ERG: variants seen among roughly 807,000 people sequenced by gnomAD.
ERG encodes ETS transcription factor ERG.
Under a neutral mutation model 55.3 loss-of-function variants are expected in ERG, and 9 were observed. The ratio of observed to expected loss-of-function variants is 0.16; its 90% CI spans 0.10 to 0.28. The LOEUF is 0.28. Ranked by LOEUF, ERG falls within the 10% of genes least tolerant of loss-of-function variation. The pLI is 1.00. For missense variants in ERG, 434 were observed against 631.6 expected, an observed-to-expected ratio of 0.69 and a Z score of 3.35; for synonymous variants, 223 against 237.3, an observed-to-expected ratio of 0.94 and a Z score of 0.55.
At chr21:38,539,894 T>A (rs1735187982) in intron 2 of ERG, among the ~76,000 whole-genome samples, 1 of 38,724 alleles carries the variant, frequency 2.6e-5, no homozygotes, top group African/African-American at 9.6e-5. Flanking sequence ...CAACACGTGA[T>A]TTTTTTTTTT....
intron 6 of ERG, chr21:38,400,206 C>T (rs572338490): frequency 1.2e-5 from 5 of 433,908 alleles, no homozygotes; most frequent in South Asian, 6.4e-5. Flanking sequence ...TACTGATAAT[C>T]GGTCACTGTG....
chr21:38,423,282 A>C, intron 3 of ERG, 128 bp downstream of exon 3: 1 of 979,374 alleles, frequency 1.0e-6, no homozygotes, highest in Non-Finnish European at 1.5e-6. Context: ...GCTCCCATTT[A>C]CAAGCCCTGC....
chr21:38,660,995 G>A (rs1304136366), intron 1 of ERG, among the ~76,000 whole-genome samples: 2 of 151,968 alleles, frequency 1.3e-5, no homozygotes, highest in Non-Finnish European at 2.9e-5. Flanking sequence ...GCTCCGGGAG[G>A]AAGAGGAGGA....
chr21:38,476,551 G>A (rs1442755159), intron 1 of ERG, among the ~76,000 whole-genome samples: 4 of 152,130 alleles, frequency 2.6e-5, no homozygotes, highest in Admixed American at 2.6e-4. Context: ...TTGAAGGAAA[G>A]GGAAGTCTTG....
chr21:38,468,199 C>T (rs1255610744), intron 1 of ERG, among the ~76,000 whole-genome samples: 1 of 152,182 alleles, frequency 6.6e-6, no homozygotes, highest in Non-Finnish European at 1.5e-5. Flanking sequence ...CCTCCCCACC[C>T]GGCAGGTCAG....
At chr21:38,637,220 C>A (rs1027883734) in intron 1 of ERG, among the ~76,000 whole-genome samples, 2 of 151,914 alleles carry the variant, frequency 1.3e-5, no homozygotes, top group African/African-American at 4.8e-5. Context: ...GTGTGCATCC[C>A]ATATGTGTGT....
intron 1 of ERG, among the ~76,000 whole-genome samples, chr21:38,634,759 T>G (rs2060378132): frequency 6.6e-6 from 1 of 152,256 alleles, no homozygotes; most frequent in African/African-American, 2.4e-5. Flanking sequence ...TGCAGATTGA[T>G]GATCCATTTT....
chr21:38,494,789 A>C (rs1324603212), intron 1 of ERG, among the ~76,000 whole-genome samples: 4 of 152,228 alleles, frequency 2.6e-5, no homozygotes, highest in Non-Finnish European at 5.9e-5. Flanking sequence ...TTCCAGGGTC[A>C]CTGAGTCAGG....
chr21:38,548,069 C>T (rs569568390), intron 2 of ERG, among the ~76,000 whole-genome samples: 21 of 151,976 alleles, frequency 1.4e-4, no homozygotes, highest in African/African-American at 4.8e-4. Context: ...AATTCTCTAC[C>T]ATTTCATTCT....
chr21:38,582,282 T>TGAAGTGAGGCATC (rs2060034948), intron 1 of ERG, among the ~76,000 whole-genome samples: 2 of 152,154 alleles, frequency 1.3e-5, no homozygotes, highest in Admixed American at 6.5e-5. Flanking sequence ...GACCCAATAC[T>TGAAGTGAGGCATC]TGTAACTGGC....
At chr21:38,490,964 AT>A (rs1175290710) in intron 1 of ERG, among the ~76,000 whole-genome samples, 1 of 152,190 alleles carries the variant, frequency 6.6e-6, no homozygotes, top group East Asian at 1.9e-4. Context: ...TGCTCTCTGG[AT>A]TCAACCTTCA....
intron 1 of ERG, among the ~76,000 whole-genome samples, chr21:38,598,103 T>C (rs1568940090): frequency 6.6e-6 from 1 of 152,130 alleles, no homozygotes; most frequent in Non-Finnish European, 1.5e-5. Context: ...CCTTTACACA[T>C]AGCAAGGACT....
At chr21:38,441,870 T>C (rs1190722793) in intron 2 of ERG, among the ~76,000 whole-genome samples, 1 of 152,140 alleles carries the variant, frequency 6.6e-6, no homozygotes. Context: ...GCAGATGAGG[T>C]CCACCTTGTT....
At chr21:38,401,452 T>A (rs746921579) in intron 5 of ERG, among the ~76,000 whole-genome samples, 3 of 152,332 alleles carry the variant, frequency 2.0e-5, no homozygotes, top group Non-Finnish European at 4.4e-5. Flanking sequence ...TACTACCAAC[T>A]CGAAGCAGGT....
At chr21:38,608,601 C>T (rs995623221) in intron 1 of ERG, among the ~76,000 whole-genome samples, 1 of 152,226 alleles carries the variant, frequency 6.6e-6, no homozygotes, top group Non-Finnish European at 1.5e-5. Flanking sequence ...CTTTGTGAGA[C>T]TTCACCTGTT....
chr21:38,649,898 C>T (rs1221447056), intron 1 of ERG, among the ~76,000 whole-genome samples: 1 of 152,200 alleles, frequency 6.6e-6, no homozygotes, highest in Non-Finnish European at 1.5e-5. Context: ...ACACCAGAGA[C>T]GTATAATGCT....
chr21:38,529,358 G>C (rs1057477469), intron 2 of ERG, among the ~76,000 whole-genome samples: 4 of 152,190 alleles, frequency 2.6e-5, no homozygotes, highest in African/African-American at 4.8e-5. Context: ...GGTGGTGGAG[G>C]AAGTGAGGTG....
At chr21:38,537,540 G>T (rs2059720397) in intron 2 of ERG, among the ~76,000 whole-genome samples, 1 of 151,938 alleles carries the variant, frequency 6.6e-6, no homozygotes, top group South Asian at 2.1e-4. Context: ...TTTTTCCAAA[G>T]ATAACACTAA....
intron 1 of ERG, among the ~76,000 whole-genome samples, chr21:38,603,761 G>C (rs999770411): frequency 6.6e-6 from 1 of 152,000 alleles, no homozygotes; most frequent in Admixed American, 6.5e-5. Context: ...GGAGGAAAGC[G>C]GAAGAACAGT....
Sources: allele counts gnomAD v4.1 joint callset (sites outside exome capture counted in the v4.1 genomes callset), GRCh38; gene constraint gnomAD v4.1.1; transcripts MANE v1.5; gene names NCBI Gene and HGNC (gene_info 2026-07-23, HGNC 2026-07-21).